Variants in MTA3 observed in about 807,000 individuals in gnomAD.
MTA3 encodes the protein metastasis-associated protein MTA3.
Under a neutral mutation model 83.5 loss-of-function variants are expected in MTA3, and 34 were observed. The ratio of observed to expected loss-of-function variants is 0.41; its 90% confidence interval spans 0.31 to 0.54. MTA3 has a LOEUF of 0.54. Among genes scored for constraint, MTA3 ranks in the 20% least tolerant of loss-of-function variants. The pLI is 0.33. For synonymous variants in MTA3, 303 were observed against 252.7 expected, an observed-to-expected ratio of 1.20 and a Z score of -1.89; for missense variants, 761 against 726.4, an observed-to-expected ratio of 1.05 and a Z score of -0.55.
chr2:42,529,677 G>C (rs951774640), intron 2 of MTA3, among the ~76,000 whole-genome samples: 2 of 152,174 alleles, frequency 1.3e-5, no homozygotes, highest in Admixed American at 1.3e-4. Context: ...CAGGCAATGT[G>C]ACCAGCAGTG....
intron 8 of MTA3, among the ~76,000 whole-genome samples, chr2:42,672,343 T>TAAA (rs573876669): frequency 1.4e-5 from 2 of 140,282 alleles, no homozygotes; most frequent in Non-Finnish European, 1.6e-5. Flanking sequence ...TCCTCTCTAT[T>TAAA]AAAAAAAAAA....
intron 11 of MTA3, chr2:42,703,123 G>A (rs532300333): frequency 6.6e-6 from 1 of 151,944 alleles, no homozygotes; most frequent in African/African-American, 2.4e-5. Flanking sequence ...CTATGCCTGG[G>A]TAATTTTTAT....
intron 16 of MTA3, among the ~76,000 whole-genome samples, chr2:42,739,745 C>CA (rs1410169290): frequency 6.6e-6 from 1 of 152,188 alleles, no homozygotes; most frequent in Non-Finnish European, 1.5e-5. Flanking sequence ...GCTGCTTTAC[C>CA]AACTAAGTTT....
intron 6 of MTA3, among the ~76,000 whole-genome samples, chr2:42,644,736 T>C (rs1261056458): frequency 6.6e-6 from 1 of 152,320 alleles, no homozygotes; most frequent in South Asian, 2.1e-4. Flanking sequence ...ATATCTGTTA[T>C]AGTGATCTGT....
At chr2:42,505,465 A>G (rs529567484) in intron 2 of MTA3, among the ~76,000 whole-genome samples, 21 of 152,232 alleles carry the variant, frequency 1.4e-4, no homozygotes, top group Admixed American at 6.5e-4. Context: ...TGCCAGAACC[A>G]ATACTGAAAC....
At chr2:42,609,140 C>T (rs2104079861) in intron 3 of MTA3, among the ~76,000 whole-genome samples, 1 of 150,626 alleles carries the variant, frequency 6.6e-6, no homozygotes, top group East Asian at 2.0e-4. Context: ...AAGCAGTTCT[C>T]CTGCCTCAGC....
chr2:42,687,897 G>A (rs977843876), intron 9 of MTA3, among the ~76,000 whole-genome samples: 6 of 152,206 alleles, frequency 3.9e-5, no homozygotes, highest in Non-Finnish European at 7.3e-5. Flanking sequence ...CCAGGGCAAG[G>A]TGTGTGTTTG....
chr2:42,657,621 A>G (rs1689286213), intron 7 of MTA3, among the ~76,000 whole-genome samples: 1 of 152,034 alleles, frequency 6.6e-6, no homozygotes. Context: ...TGTTTTCAAT[A>G]TTTGTTTTAA....
At chr2:42,667,997 C>T (rs949127727) in intron 8 of MTA3, among the ~76,000 whole-genome samples, 1 of 152,072 alleles carries the variant, frequency 6.6e-6, no homozygotes. Context: ...TCCGTGTAGC[C>T]CGGCGCAAGT....
At chr2:42,535,900 C>G (rs563927783) in intron 2 of MTA3, among the ~76,000 whole-genome samples, 22 of 151,742 alleles carry the variant, frequency 1.4e-4, no homozygotes, top group African/African-American at 5.3e-4. Context: ...AGGAGGATCC[C>G]ATGAGCCCAG....
At chr2:42,561,134 C>T (rs1242821622) in intron 2 of MTA3, among the ~76,000 whole-genome samples, 1 of 151,994 alleles carries the variant, frequency 6.6e-6, no homozygotes, top group African/African-American at 2.4e-5. Context: ...GCACTTTTTC[C>T]CTCTGTCTGG....
chr2:42,753,137 C>G (rs1186281786), intron 16 of MTA3, among the ~76,000 whole-genome samples: 1 of 152,028 alleles, frequency 6.6e-6, no homozygotes, highest in Admixed American at 6.6e-5. Context: ...GCTATGTCGT[C>G]CAGACTGTCT....
intron 2 of MTA3, among the ~76,000 whole-genome samples, chr2:42,549,601 CAT>C (rs1439440535): frequency 8.7e-6 from 1 of 115,536 alleles, no homozygotes; most frequent in Non-Finnish European, 1.6e-5. Flanking sequence ...TATACATATA[CAT>C]ATATAATATA....
At chr2:42,514,169 C>T (rs1484334998) in intron 2 of MTA3, among the ~76,000 whole-genome samples, 9 of 151,872 alleles carry the variant, frequency 5.9e-5, no homozygotes, top group African/African-American at 2.4e-5. Flanking sequence ...GTCGAGATCG[C>T]GCCACTGCAC....
At chr2:42,622,903 C>T (rs765025570) in intron 4 of MTA3, among the ~76,000 whole-genome samples, 28 of 152,128 alleles carry the variant, frequency 1.8e-4, no homozygotes, top group Non-Finnish European at 3.5e-4. Context: ...GATTGGAAGA[C>T]ACTTGTAAAG....
At chr2:42,600,682 A>C (rs1392793028) in intron 3 of MTA3, among the ~76,000 whole-genome samples, 2 of 151,754 alleles carry the variant, frequency 1.3e-5, no homozygotes, top group African/African-American at 2.4e-5. Flanking sequence ...CTAGGATTAC[A>C]GGGATGCGCC....
chr2:42,720,363 A>G (rs914125651), intron 15 of MTA3, among the ~76,000 whole-genome samples: 1 of 151,946 alleles, frequency 6.6e-6, no homozygotes, highest in Non-Finnish European at 1.5e-5. Context: ...TTGTATTTTT[A>G]GTAGAGACGG....
chr2:42,741,331 G>T (rs535321093), intron 16 of MTA3, among the ~76,000 whole-genome samples: 1 of 152,160 alleles, frequency 6.6e-6, no homozygotes, highest in African/African-American at 2.4e-5. Context: ...TTTCACTTTC[G>T]TATCATTCAT....
chr2:42,656,424 TTAGG>T (rs1184528889), intron 7 of MTA3, 122 bp downstream of exon 7: 1 of 534,650 alleles, frequency 1.9e-6, no homozygotes, highest in African/African-American at 1.9e-5. Flanking sequence ...ATTTTTTTAG[TTAGG>T]TAAGAAAGCT....
Sources: gnomAD v4.1 joint callset for allele counts (sites outside exome capture counted in the v4.1 genomes callset) on GRCh38, gnomAD v4.1.1 for gene constraint, MANE v1.5 for transcripts, NCBI Gene and HGNC (gene_info 2026-07-23, HGNC 2026-07-21) for gene names.